Variants in ARHGAP15 observed in about 807,000 individuals in gnomAD.
ARHGAP15 encodes Rho GTPase activating protein 15.
In ARHGAP15, 51 loss-of-function variants were observed where a neutral mutation model predicts 63.7. The observed-to-expected ratio is 0.80, with a 90% CI of 0.64 to 1.01. The LOEUF is 1.01. Among genes scored for constraint, ARHGAP15 ranks in the 50% least tolerant of loss-of-function variants. The pLI is 0.00. For synonymous variants in ARHGAP15, 191 were observed against 193.8 expected, an observed-to-expected ratio of 0.99 and a Z score of 0.12; for missense variants, 560 against 564.6, an observed-to-expected ratio of 0.99 and a Z score of 0.08.
At chr2:143,364,668 GT>G (rs1311082898) in intron 6 of ARHGAP15, among the ~76,000 whole-genome samples, 1 of 152,140 alleles carries the variant, frequency 6.6e-6, no homozygotes, top group Non-Finnish European at 1.5e-5. Context: ...ATTTTACCAT[GT>G]TGCAGATAGG....
chr2:143,258,715 C>CT (rs1273360248), intron 6 of ARHGAP15, among the ~76,000 whole-genome samples: 1 of 152,096 alleles, frequency 6.6e-6, no homozygotes, highest in Admixed American at 6.6e-5. Flanking sequence ...TGTTTGAACT[C>CT]TTTTCAGATA....
intron 6 of ARHGAP15, among the ~76,000 whole-genome samples, chr2:143,431,696 T>G (rs973091587): frequency 3.9e-5 from 6 of 152,074 alleles, no homozygotes; most frequent in Non-Finnish European, 4.4e-5. Flanking sequence ...TATGTCCTAT[T>G]TATCCAAACA....
At chr2:143,738,108 T>TTTTTTTTTTTTTTG (rs1553535485) in intron 13 of ARHGAP15, among the ~76,000 whole-genome samples, 1 of 151,482 alleles carries the variant, frequency 6.6e-6, no homozygotes, top group African/African-American at 2.5e-5. Flanking sequence ...ATATATTTTT[T>TTTTTTTTTTTTTTG]AACTTGGGCT....
chr2:143,361,880 C>G (rs1375477209), intron 6 of ARHGAP15, among the ~76,000 whole-genome samples: 2 of 152,170 alleles, frequency 1.3e-5, no homozygotes, highest in Non-Finnish European at 2.9e-5. Flanking sequence ...AATAATTTCT[C>G]TATGAATCCC....
intron 3 of ARHGAP15, among the ~76,000 whole-genome samples, chr2:143,208,113 C>T (rs1485124720): frequency 1.3e-5 from 2 of 152,130 alleles, no homozygotes; most frequent in Non-Finnish European, 2.9e-5. Context: ...TAATGACATT[C>T]TTTCCTTTGG....
intron 2 of ARHGAP15, among the ~76,000 whole-genome samples, chr2:143,201,430 G>A (rs561910925): frequency 3.3e-5 from 5 of 151,920 alleles, no homozygotes; most frequent in Admixed American, 1.3e-4. Context: ...TTTAACACAC[G>A]TCTACAATGT....
At position 143,329,752 on chromosome 2, in the gene ARHGAP15, T is replaced by C. The variant is rs1684423001; in HGVS notation, c.474+79152T>C. ...TGTAGAAATTATATACACATACACA[T>C]GTAATTTATACATATTTGCACATAC... On this transcript the variant is annotated intron_variant, in intron 6 of 13. Coordinates refer to ENST00000295095, the MANE Select transcript of ARHGAP15 (RefSeq NM_018460.4). Among the ~76,000 whole-genome samples, 5 of 152,180 alleles carry C rather than the reference T, an allele frequency of 3.3e-5. No homozygotes were observed. The South Asian group carries it at 8.3e-4, about 25-fold the overall frequency.
At chr2:143,517,429 CATT>C (rs1296723208) in intron 9 of ARHGAP15, among the ~76,000 whole-genome samples, 7 of 152,156 alleles carry the variant, frequency 4.6e-5, no homozygotes, top group African/African-American at 1.7e-4. Context: ...TTTTATGCTG[CATT>C]ATTATTCTAT....
chr2:143,751,232 T>C (rs924520081), intron 13 of ARHGAP15, among the ~76,000 whole-genome samples: 1 of 152,196 alleles, frequency 6.6e-6, no homozygotes, highest in African/African-American at 2.4e-5. Flanking sequence ...TCCGGGAGGA[T>C]GAAGATGGCT....
Position 143,703,503 on chromosome 2 carries a change from T to A in ARHGAP15, c.1223T>A (p.Val408Asp). Residue 408 changes from valine (V) to aspartate (D), a missense_variant, in exon 13 of 14, where the codon GTC becomes GAC. By Grantham distance (152) the Val-to-Asp change is radical (BLOSUM62 -3). Coordinates refer to ENST00000295095, the MANE Select transcript of ARHGAP15 (RefSeq NM_018460.4). ...LPPPNRDTMK[V>D]LFGHLTKIVA... ...CCGCCAAATCGTGACACCATGAAAG[T>A]CCTCTTTGGACATCTAACTAAGTAA... The A allele has an allele frequency of 6.2e-7, 1 of 1,611,500 alleles. No homozygotes were observed. The highest frequency in any genetic ancestry group is 8.5e-7 in the Non-Finnish European group (1 of 1,178,822).
chr2:143,304,609 A>G (rs1683081787), intron 6 of ARHGAP15, among the ~76,000 whole-genome samples: 1 of 152,158 alleles, frequency 6.6e-6, no homozygotes. Flanking sequence ...ATATAATAAA[A>G]AAGTGAACTT....
At chr2:143,159,336 G>A (rs997697713) in intron 2 of ARHGAP15, among the ~76,000 whole-genome samples, 5 of 151,830 alleles carry the variant, frequency 3.3e-5, no homozygotes, top group Non-Finnish European at 7.4e-5. Flanking sequence ...TAGCCAAAAA[G>A]GCAGACATAA....
At chr2:143,710,814 A>C (rs1352285944) in intron 13 of ARHGAP15, among the ~76,000 whole-genome samples, 2 of 152,234 alleles carry the variant, frequency 1.3e-5, no homozygotes, top group Non-Finnish European at 2.9e-5. Context: ...CCCCATTCTC[A>C]GCCCTTAGAA....
intron 1 of ARHGAP15, among the ~76,000 whole-genome samples, chr2:143,154,720 C>T (rs1690012442): frequency 6.6e-6 from 1 of 151,922 alleles, no homozygotes; most frequent in South Asian, 2.1e-4. Flanking sequence ...CCAGTCCACC[C>T]TCTGGTGCTG....
intron 6 of ARHGAP15, among the ~76,000 whole-genome samples, chr2:143,320,961 C>T (rs543048452): frequency 6.6e-6 from 1 of 152,256 alleles, no homozygotes; most frequent in African/African-American, 2.4e-5. Flanking sequence ...TGTAACACCA[C>T]CTTGCAGCCA....
At chr2:143,244,968 G>C (rs1693993622) in intron 5 of ARHGAP15, among the ~76,000 whole-genome samples, 1 of 152,150 alleles carries the variant, frequency 6.6e-6, no homozygotes, top group South Asian at 2.1e-4. Context: ...AGTGAGTGAA[G>C]GGATTATTAA....
chr2:143,181,089 CAG>C (rs1413896098), intron 2 of ARHGAP15, among the ~76,000 whole-genome samples: 1 of 152,180 alleles, frequency 6.6e-6, no homozygotes, highest in Non-Finnish European at 1.5e-5. Context: ...ACATCTCCAT[CAG>C]AGCTCTTGAG....
chr2:143,131,873 T>TGGTC (rs1462691763), intron 1 of ARHGAP15, among the ~76,000 whole-genome samples: 1 of 152,122 alleles, frequency 6.6e-6, no homozygotes, highest in Non-Finnish European at 1.5e-5. Context: ...TGTTAACCAT[T>TGGTC]GGTCCTGCCT....
At chr2:143,413,211 T>C (rs1409683599) in intron 6 of ARHGAP15, among the ~76,000 whole-genome samples, 12 of 152,184 alleles carry the variant, frequency 7.9e-5, no homozygotes, top group African/African-American at 2.9e-4. Flanking sequence ...AAAGAATGTG[T>C]TTCTTTTCCA....
Sources: gnomAD v4.1 joint callset for allele counts (sites outside exome capture counted in the v4.1 genomes callset) on GRCh38, gnomAD v4.1.1 for gene constraint, MANE v1.5 for transcripts, NCBI Gene and HGNC (gene_info 2026-07-23, HGNC 2026-07-21) for gene names.